Variants in PPP1R14C observed in about 807,000 individuals in gnomAD.
PPP1R14C encodes protein phosphatase 1 regulatory inhibitor subunit 14C.
In PPP1R14C, 16 loss-of-function variants were observed where a neutral mutation model predicts 20.4. The ratio of observed to expected loss-of-function variants is 0.78; its 90% confidence interval spans 0.53 to 1.19. The LOEUF (loss-of-function observed/expected upper bound fraction) is 1.19. Ranked by LOEUF, PPP1R14C falls within the 50% of genes most tolerant of loss-of-function variation. The pLI is 0.00. For missense variants in PPP1R14C, 211 were observed against 220.1 expected, an observed-to-expected ratio of 0.96 and a Z score of 0.26; for synonymous variants, 91 against 91.0, an observed-to-expected ratio of 1.00 and a Z score of 0.00.
At position 150,143,075 on chromosome 6, in the gene PPP1R14C, C is replaced by A; in HGVS notation, c.-118C>A. The A allele has an allele frequency of 9.1e-7, 1 of 1,099,390 alleles. No individual in the cohort carries two copies. The highest frequency in any genetic ancestry group is 1.1e-6 in the Non-Finnish European group (1 of 908,136). 68.1% of individuals were successfully genotyped at this position (1,099,390 alleles called of 1,614,324 possible). ...GCCGGGCGGCTGGGCGCGCGCGGCG[C>A]AGAGCAGGTGCCGGGGAGCCCTTCG... is the stretch of plus-strand genomic sequence containing the variant. On this transcript the variant is annotated 5_prime_UTR_variant, in exon 1 of 4. Transcript: ENST00000361131. This position sits in a 1 kb window ranked among gnomAD's most constrained non-coding sequence, Gnocchi z 5.6.
chr6:150,214,345 A>C (rs1562271535), intron 1 of PPP1R14C, among the ~76,000 whole-genome samples: 1 of 152,168 alleles, frequency 6.6e-6, no homozygotes. Context: ...TTATATACTT[A>C]CAGATGCAGC....
intron 1 of PPP1R14C, among the ~76,000 whole-genome samples, chr6:150,213,346 AAC>A (rs3049230): frequency 0.054 from 7,983 of 149,210 alleles, 309 homozygotes; most frequent in African/African-American, 0.12. Flanking sequence ...TTTGTGTTGT[AAC>A]ACACACACAC....
intron 3 of PPP1R14C, among the ~76,000 whole-genome samples, chr6:150,245,163 T>C (rs563718234): frequency 6.6e-6 from 1 of 152,316 alleles, no homozygotes; most frequent in African/African-American, 2.4e-5. Context: ...AGCAGCAAGG[T>C]CTACTGGCTC....
intron 1 of PPP1R14C, among the ~76,000 whole-genome samples, chr6:150,169,148 A>AT (rs1777470626): frequency 6.6e-6 from 1 of 152,246 alleles, no homozygotes; most frequent in Admixed American, 6.5e-5. Flanking sequence ...AAGTGCTGGG[A>AT]TTACAGGCGT....
chr6:150,205,832 A>G (rs1777942976), intron 1 of PPP1R14C, among the ~76,000 whole-genome samples: 1 of 151,864 alleles, frequency 6.6e-6, no homozygotes, highest in African/African-American at 2.4e-5. Context: ...AGAAAAAGAA[A>G]TATATATATC....
chr6:150,187,276 TGTGTGTGTG>T (rs1777688820), intron 1 of PPP1R14C, among the ~76,000 whole-genome samples: 1 of 151,704 alleles, frequency 6.6e-6, no homozygotes, highest in Non-Finnish European at 1.5e-5. Context: ...TGTGTGTGTG[TGTGTGTGTG>T]TGTGTGTTTG....
intron 3 of PPP1R14C, among the ~76,000 whole-genome samples, chr6:150,243,223 C>G (rs1054082673): frequency 6.7e-6 from 1 of 149,984 alleles, no homozygotes; most frequent in Non-Finnish European, 1.5e-5. Context: ...TCACCCAGGC[C>G]GGAGTGCAAT....
intron 1 of PPP1R14C, among the ~76,000 whole-genome samples, chr6:150,158,900 A>G (rs910188706): frequency 3.9e-5 from 6 of 152,232 alleles, no homozygotes; most frequent in Admixed American, 3.3e-4. Context: ...AGATTTGTTC[A>G]TATTAGCTTC....
chr6:150,222,126 G>A (rs17079444), intron 3 of PPP1R14C, among the ~76,000 whole-genome samples: 17,911 of 152,040 alleles, frequency 0.12, 2,021 homozygotes, highest in African/African-American at 0.29. Context: ...TGGTGGTAAC[G>A]ATAGCAATGA....
At chr6:150,144,483 G>A (rs1777160756) in intron 1 of PPP1R14C, among the ~76,000 whole-genome samples, 1 of 152,254 alleles carries the variant, frequency 6.6e-6, no homozygotes, top group African/African-American at 2.4e-5. Flanking sequence ...TAAGGGAGTG[G>A]AGTTTGGAAA....
intron 1 of PPP1R14C, among the ~76,000 whole-genome samples, chr6:150,206,772 G>T (rs1240225644): frequency 6.6e-6 from 1 of 152,090 alleles, no homozygotes; most frequent in East Asian, 1.9e-4. Flanking sequence ...GGCGATTCCT[G>T]TAAATATTAT....
intron 3 of PPP1R14C, among the ~76,000 whole-genome samples, chr6:150,238,769 T>C (rs568307502): frequency 2.6e-5 from 4 of 152,356 alleles, no homozygotes; most frequent in South Asian, 4.1e-4. Context: ...TACATACTTA[T>C]CAAATTCAGT....
intron 3 of PPP1R14C, among the ~76,000 whole-genome samples, chr6:150,222,969 A>T (rs1484137630): frequency 6.6e-6 from 1 of 151,964 alleles, no homozygotes; most frequent in East Asian, 1.9e-4. Flanking sequence ...GGGTTTCACC[A>T]TGTTGGCAAG....
At chr6:150,236,721 T>C (rs1778365960) in intron 3 of PPP1R14C, among the ~76,000 whole-genome samples, 1 of 151,990 alleles carries the variant, frequency 6.6e-6, no homozygotes, top group South Asian at 2.1e-4. Flanking sequence ...TAGCACTTCA[T>C]GATGTGAAGA....
At chr6:150,219,926 G>C (rs1416263297) in intron 3 of PPP1R14C, among the ~76,000 whole-genome samples, 1 of 152,034 alleles carries the variant, frequency 6.6e-6, no homozygotes, top group Non-Finnish European at 1.5e-5. Flanking sequence ...CGCCATGTAG[G>C]CTCGCTGAAA....
intron 1 of PPP1R14C, among the ~76,000 whole-genome samples, chr6:150,180,505 A>G (rs1777610018): frequency 2.0e-5 from 3 of 152,216 alleles, no homozygotes. Flanking sequence ...TAAGCACTGT[A>G]AGATTTAATG....
intron 3 of PPP1R14C, among the ~76,000 whole-genome samples, chr6:150,242,463 A>G (rs1487495050): frequency 1.3e-5 from 2 of 152,246 alleles, no homozygotes; most frequent in African/African-American, 2.4e-5. Context: ...AGGAGGGGGA[A>G]AAACCCCTCT....
intron 3 of PPP1R14C, among the ~76,000 whole-genome samples, chr6:150,219,568 T>C (rs1778142231): frequency 6.6e-6 from 1 of 152,074 alleles, no homozygotes; most frequent in African/African-American, 2.4e-5. Context: ...TTTGTTGAAC[T>C]CTCCAGTGTG....
At chr6:150,235,417 C>T (rs966517941) in intron 3 of PPP1R14C, among the ~76,000 whole-genome samples, 5 of 152,226 alleles carry the variant, frequency 3.3e-5, no homozygotes, top group Admixed American at 2.0e-4. Flanking sequence ...TCTTGATAGT[C>T]ATGGTGGTTT....
Sources: allele counts gnomAD v4.1 joint callset (sites outside exome capture counted in the v4.1 genomes callset), GRCh38; gene constraint gnomAD v4.1.1; non-coding constraint Gnocchi (gnomAD v3.1); transcripts MANE v1.5; gene names NCBI Gene and HGNC (gene_info 2026-07-23, HGNC 2026-07-21).